Variants in CTNND2 observed in about 807,000 individuals in gnomAD.
The protein encoded by CTNND2 is catenin delta 2, also known as catenin delta-2.
A neutral mutation model predicts 144.4 loss-of-function variants in CTNND2; 22 were observed. The observed-to-expected ratio is 0.15, with a 90% confidence interval of 0.11 to 0.22. The LOEUF (loss-of-function observed/expected upper bound fraction) is 0.22. Ranked by LOEUF, CTNND2 falls within the 10% of genes least tolerant of loss-of-function variation. The probability of loss-of-function intolerance (pLI) is 1.00; values close to 1 mark genes in which losing one functional copy is unlikely to be tolerated. For missense variants in CTNND2, 1,353 were observed against 1,618.8 expected, an observed-to-expected ratio of 0.84 and a Z score of 2.82; for synonymous variants, 751 against 695.6, an observed-to-expected ratio of 1.08 and a Z score of -1.25.
intron 2 of CTNND2, among the ~76,000 whole-genome samples, chr5:11,706,024 G>A (rs1785675244): frequency 6.6e-6 from 1 of 152,178 alleles, no homozygotes; most frequent in Non-Finnish European, 1.5e-5. Context: ...AGGACCACAG[G>A]TAGCCTCTAA....
At chr5:11,202,395 G>T (rs1349456690) in intron 10 of CTNND2, among the ~76,000 whole-genome samples, 1 of 152,098 alleles carries the variant, frequency 6.6e-6, no homozygotes, top group Non-Finnish European at 1.5e-5. Flanking sequence ...TTTATAGTGA[G>T]ATTTTCAATT....
At chr5:11,521,041 T>G (rs1772677429) in intron 3 of CTNND2, among the ~76,000 whole-genome samples, 1 of 152,204 alleles carries the variant, frequency 6.6e-6, no homozygotes, top group South Asian at 2.1e-4. Context: ...TTTTGTATTT[T>G]AAGTCATAGG....
intron 9 of CTNND2, among the ~76,000 whole-genome samples, chr5:11,340,709 C>G (rs1754171711): frequency 6.6e-6 from 1 of 152,130 alleles, no homozygotes; most frequent in Non-Finnish European, 1.5e-5. Flanking sequence ...TGTGAAAAGA[C>G]TTGGCATTTT....
At chr5:11,240,115 CACACACACCCCCA>C (rs1214475211) in intron 9 of CTNND2, among the ~76,000 whole-genome samples, 2 of 151,458 alleles carry the variant, frequency 1.3e-5, no homozygotes, top group Non-Finnish European at 2.9e-5. Flanking sequence ...ACAACACACA[CACACACACCCCCA>C]ACACACACAC....
intron 16 of CTNND2, among the ~76,000 whole-genome samples, chr5:11,080,182 T>C (rs1049618712): frequency 1.3e-5 from 2 of 152,134 alleles, no homozygotes; most frequent in Non-Finnish European, 2.9e-5. Context: ...AGACATTACT[T>C]AAAAGAAGAA....
At chr5:11,514,184 C>CAGAAA (rs756650073) in intron 3 of CTNND2, among the ~76,000 whole-genome samples, 16 of 122,050 alleles carry the variant, frequency 1.3e-4, no homozygotes, top group Non-Finnish European at 2.4e-4. Flanking sequence ...GACCCTGTCT[C>CAGAAA]AGAAAAGAAA....
intron 9 of CTNND2, among the ~76,000 whole-genome samples, chr5:11,273,095 T>C (rs1175385442): frequency 6.6e-6 from 1 of 152,210 alleles, no homozygotes; most frequent in Admixed American, 6.5e-5. Context: ...TCATTAATAA[T>C]AGTTTTGTGA....
intron 9 of CTNND2, among the ~76,000 whole-genome samples, chr5:11,326,462 T>G (rs1055858779): frequency 6.6e-6 from 1 of 152,078 alleles, no homozygotes; most frequent in African/African-American, 2.4e-5. Flanking sequence ...TTGAAACTGA[T>G]TGGCAGGACC....
chr5:11,032,158 T>C (rs986451840), intron 16 of CTNND2, among the ~76,000 whole-genome samples: 4 of 152,216 alleles, frequency 2.6e-5, no homozygotes, highest in Non-Finnish European at 5.9e-5. Flanking sequence ...GCTTCCTACT[T>C]CTCCATCAGC....
At chr5:11,461,506 T>G (rs1040514458) in intron 3 of CTNND2, among the ~76,000 whole-genome samples, 1 of 152,208 alleles carries the variant, frequency 6.6e-6, no homozygotes, top group African/African-American at 2.4e-5. Flanking sequence ...TAGAGTTTCA[T>G]GAACTCGGTG....
At chr5:11,314,535 TTAC>T (rs1425176457) in intron 9 of CTNND2, among the ~76,000 whole-genome samples, 1 of 152,158 alleles carries the variant, frequency 6.6e-6, no homozygotes, top group African/African-American at 2.4e-5. Context: ...TTTATTATTA[TTAC>T]TACTATTTGT....
chr5:11,746,630 T>C (rs1455099224), intron 1 of CTNND2, among the ~76,000 whole-genome samples: 1 of 152,204 alleles, frequency 6.6e-6, no homozygotes, highest in Admixed American at 6.6e-5. Context: ...CTTAGATCTA[T>C]GGAAATACCA....
intron 9 of CTNND2, among the ~76,000 whole-genome samples, chr5:11,248,371 A>G (rs1172988602): frequency 6.6e-6 from 1 of 151,966 alleles, no homozygotes; most frequent in African/African-American, 2.4e-5. Flanking sequence ...ATGTGGGCAC[A>G]TGTGTATGTA....
chr5:11,341,842 TA>T (rs1159342636), intron 9 of CTNND2, among the ~76,000 whole-genome samples: 1 of 151,678 alleles, frequency 6.6e-6, no homozygotes, highest in Non-Finnish European at 1.5e-5. Context: ...ACCCCTTCTC[TA>T]AAAAAAATAA....
chr5:11,527,876 G>T (rs1365224690), intron 3 of CTNND2, among the ~76,000 whole-genome samples: 2 of 152,184 alleles, frequency 1.3e-5, no homozygotes, highest in Non-Finnish European at 2.9e-5. Flanking sequence ...TTACCCCAGG[G>T]TGTAGTCAAC....
intron 3 of CTNND2, among the ~76,000 whole-genome samples, chr5:11,499,427 T>C (rs1187485377): frequency 6.6e-6 from 1 of 152,240 alleles, no homozygotes; most frequent in Non-Finnish European, 1.5e-5. Context: ...CCAACTTGTT[T>C]CTGGTTTATT....
intron 1 of CTNND2, among the ~76,000 whole-genome samples, chr5:11,856,441 C>T (rs1305202212): frequency 6.6e-6 from 1 of 151,960 alleles, no homozygotes; most frequent in East Asian, 1.9e-4. Context: ...TTGCAAAAAG[C>T]TGTGTTTCTC....
intron 9 of CTNND2, among the ~76,000 whole-genome samples, chr5:11,255,232 GA>G (rs1215613537): frequency 1.3e-5 from 2 of 151,878 alleles, no homozygotes; most frequent in African/African-American, 4.8e-5. Flanking sequence ...AATTCCTGGG[GA>G]AAAAAAACTC....
At chr5:11,493,913 T>C (rs1244253485) in intron 3 of CTNND2, among the ~76,000 whole-genome samples, 2 of 152,132 alleles carry the variant, frequency 1.3e-5, no homozygotes, top group Non-Finnish European at 2.9e-5. Flanking sequence ...TTACTATTAT[T>C]GTAGATTTGT....
Sources: allele counts gnomAD v4.1 joint callset (sites outside exome capture counted in the v4.1 genomes callset), GRCh38; gene constraint gnomAD v4.1.1; transcripts MANE v1.5; gene names NCBI Gene and HGNC (gene_info 2026-07-23, HGNC 2026-07-21).